The following WIPI1 variants were observed in gnomAD, a reference collection of about 807,000 sequenced individuals.
WIPI1 encodes the protein WD repeat domain, phosphoinositide interacting 1.
A neutral mutation model predicts 55.3 loss-of-function variants in WIPI1; 45 were observed. The ratio of observed to expected loss-of-function variants is 0.81; its 90% CI spans 0.64 to 1.04. The LOEUF is 1.04. WIPI1 is among the 50% of genes least tolerant of loss of function. The pLI is 0.00. For synonymous variants in WIPI1, 195 were observed against 217.6 expected, an observed-to-expected ratio of 0.90 and a Z score of 0.92; for missense variants, 445 against 559.0, an observed-to-expected ratio of 0.80 and a Z score of 2.06.
At chr17:68,438,356 G>T (rs2083922229) in intron 4 of WIPI1, among the ~76,000 whole-genome samples, 1 of 152,160 alleles carries the variant, frequency 6.6e-6, no homozygotes, top group South Asian at 2.1e-4. Context: ...CACCCCTTCT[G>T]AATTCTTTGC....
intron 6 of WIPI1, among the ~76,000 whole-genome samples, chr17:68,435,206 C>CA (rs35370218): frequency 0.54 from 74,438 of 139,030 alleles, 20,319 homozygotes; most frequent in Admixed American, 0.65. Flanking sequence ...GACTCCACCT[C>CA]AAAAAAAAAA....
chr17:68,426,253 G>GGGGCCCCCCCCCC, intron 11 of WIPI1, 78 bp from the exon 12 acceptor site: 3 of 841,018 alleles, frequency 3.6e-6, no homozygotes, highest in East Asian at 3.4e-5. Flanking sequence ...GGGGAGCGGG[G>GGGGCCCCCCCCCC]GCTCAAATAA....
intron 8 of WIPI1, among the ~76,000 whole-genome samples, 184 bp from the exon 9 acceptor site, chr17:68,430,344 C>A (rs571339685): frequency 1.3e-5 from 2 of 152,274 alleles, no homozygotes; most frequent in South Asian, 4.1e-4. Flanking sequence ...TAAAGAGCAT[C>A]AAGGGCTTGT....
At chr17:68,454,222 C>G (rs1472437186) in intron 1 of WIPI1, among the ~76,000 whole-genome samples, 1 of 152,196 alleles carries the variant, frequency 6.6e-6, no homozygotes, top group South Asian at 2.1e-4. Flanking sequence ...GCTGTGCCCT[C>G]CGCACCTAAG....
intron 8 of WIPI1, among the ~76,000 whole-genome samples, chr17:68,432,669 C>T (rs1385972917): frequency 6.6e-6 from 1 of 152,196 alleles, no homozygotes; most frequent in Non-Finnish European, 1.5e-5. Flanking sequence ...CCAGCCTCTA[C>T]ACCTTCCTCT....
chr17:68,431,981 C>G (rs1329620832), intron 8 of WIPI1, among the ~76,000 whole-genome samples: 1 of 152,114 alleles, frequency 6.6e-6, no homozygotes, highest in East Asian at 1.9e-4. Flanking sequence ...GTGCTCAAAC[C>G]CATGACAACA....
At chr17:68,429,679 C>G (rs542427580) in intron 9 of WIPI1, among the ~76,000 whole-genome samples, 17 of 152,186 alleles carry the variant, frequency 1.1e-4, no homozygotes, top group African/African-American at 3.9e-4. Context: ...ACCTCCGCCT[C>G]CTGGGTTCAA....
At position 68,434,556 on chromosome 17, in the gene WIPI1, CT is replaced by C; in HGVS notation, c.691del (p.Arg231GlyfsTer3). ...AATGGGTTTGACATTGAACACAGAC[CT>C]TTTCATCCCTCTCCGGAACTCATAG... ...KLYEFRRGMK[R>X]YVTISSLVFS... On this transcript the variant is annotated frameshift_variant and splice_region_variant, in exon 7 of 13. Transcript: ENST00000262139. LOFTEE classifies it high-confidence loss of function. The C allele has an allele frequency of 6.2e-7, 1 of 1,613,886 alleles. No homozygotes were observed.
chr17:68,445,675 C>G (rs765449210), intron 3 of WIPI1, among the ~76,000 whole-genome samples: 4 of 152,226 alleles, frequency 2.6e-5, no homozygotes, highest in African/African-American at 4.8e-5. Context: ...TAAGTGAAAA[C>G]AGGCCACAGG....
chr17:68,444,695 T>G (rs1280627312), intron 3 of WIPI1, 106 bp from the exon 4 acceptor site: 6 of 869,708 alleles, frequency 6.9e-6, no homozygotes, highest in Non-Finnish European at 1.0e-5. Context: ...ATTCTAAGCC[T>G]AAAGCAGAAT....
chr17:68,421,743 G>GA lies in WIPI1; in HGVS notation c.*29dup, dbSNP rs773764488. 134 of 1,614,082 alleles carry GA rather than the reference G, an allele frequency of 8.3e-5. 9 individuals are homozygous for GA. In the South Asian group the frequency reaches 1.1e-3, roughly 13 times the overall value. On this transcript the variant is annotated 3_prime_UTR_variant, in exon 13 of 13. Coordinates refer to ENST00000262139, the MANE Select transcript of WIPI1 (RefSeq NM_017983.7). ...TTCTCCAAAACCACCTGATAGGGGG[G>GA]ATGTCCTGATTTCTGAGGTGTGCTT...
At position 68,426,261 on chromosome 17, in the gene WIPI1, TA is replaced by T. The variant is rs963018289; in HGVS notation, c.1193-87del. ...GGCGGGTGGGGAGCGGGGGCTCAAA[TA>T]AAGGGCAAAGGAAGCAAAGGGGCTG... On this transcript the variant is annotated intron_variant, in intron 11 of 12. Coordinates refer to ENST00000262139, the MANE Select transcript of WIPI1 (RefSeq NM_017983.7). 183 of 934,888 alleles carry T rather than the reference TA, an allele frequency of 2.0e-4. 23 individuals are homozygous for T. Among genetic ancestry groups the T allele is most frequent in the Non-Finnish European group, 2.8e-4 (172 of 608,166 alleles). The allele number at this position is 934,888 out of a possible 1,614,324, so 57.9% of individuals were successfully genotyped here. A position where few individuals can be genotyped will look rare whatever the true frequency, so the allele number is the denominator to read the frequency against.
chr17:68,450,738 A>G lies in WIPI1; in HGVS notation c.323T>C (p.Leu108Pro). The G allele has an allele frequency of 6.2e-7, 1 of 1,610,334 alleles. No homozygotes were observed. The highest frequency in any genetic ancestry group is 2.2e-5 in the East Asian group (1 of 44,542). Reference sequence around the variant, plus strand: ...GATTTCCCCACTTACTTGCCGGTTCAGCCTTATGGACAAGATGTTGCTGGA... The same window carrying G: ...GATTTCCCCACTTACTTGCCGGTTCGGCCTTATGGACAAGATGTTGCTGGA... Reference protein sequence around the residue: ...SYSSNILSIRLNRQRLLVCLE... With the variant: ...SYSSNILSIRPNRQRLLVCLE... Residue 108 changes from leucine (L) to proline (P), a missense_variant, in exon 3 of 13, where the codon CTG (leucine) becomes CCG (proline). By Grantham distance (98) the Leu-to-Pro change is moderately conservative (BLOSUM62 -3). Coordinates refer to ENST00000262139, the MANE Select transcript of WIPI1 (RefSeq NM_017983.7).
In WIPI1 at chr17:68,452,905, C is replaced by G. The variant is rs1354396995; in HGVS notation, c.163+5G>C. ...ATCCCTGAGGTCTCTCTCACACACA[C>G]TTACTGCTTCCGTGGACTTGATCCA... On this transcript the variant is annotated splice_donor_5th_base_variant and intron_variant, in intron 2 of 12. Coordinates refer to ENST00000262139, the MANE Select transcript of WIPI1 (RefSeq NM_017983.7). 6.2e-7 allele frequency: 1 copy of G among 1,613,512 alleles called. No homozygotes were observed. The highest frequency in any genetic ancestry group is 1.7e-5 in the Admixed American group (1 of 60,026).
rs1193001496 is a variant in WIPI1 at position 68,433,528 on chromosome 17, A to G, written c.740T>C (p.Leu247Pro). The G allele has an allele frequency of 6.2e-7, 1 of 1,614,106 alleles. No individual in the cohort carries two copies. The highest frequency in any genetic ancestry group is 8.5e-7 in the Non-Finnish European group (1 of 1,180,026). ...SLVFSMDSQFLCASSNTETVH... is the reference protein window; with the variant it reads ...SLVFSMDSQFPCASSNTETVH... ...CGTCTCGGTGTTACTGGAGGCGCAG[A>G]GGAATTGTGAATCCATACTGAACAC... Residue 247 changes from leucine to proline, a missense_variant, in exon 8 of 13, where the codon CTC becomes CCC. Leu to Pro is a moderately conservative substitution (Grantham distance 98, BLOSUM62 -3). Coordinates refer to ENST00000262139, the MANE Select transcript of WIPI1 (RefSeq NM_017983.7).
At chr17:68,450,040 A>G (rs1299941876) in intron 3 of WIPI1, among the ~76,000 whole-genome samples, 2 of 152,114 alleles carry the variant, frequency 1.3e-5, no homozygotes, top group Admixed American at 1.3e-4. Context: ...CAAAATGAAA[A>G]CCCAGCAATT....
At chr17:68,421,957 C>A (rs1390151659) in intron 12 of WIPI1, 137 bp from the exon 13 acceptor site, 26 of 1,013,350 alleles carry the variant, frequency 2.6e-5, no homozygotes, top group Non-Finnish European at 3.8e-5. Flanking sequence ...TCTGAACTCG[C>A]TCATGGCCAC....
At chr17:68,454,969 T>C (rs1701413368) in intron 1 of WIPI1, among the ~76,000 whole-genome samples, 1 of 152,228 alleles carries the variant, frequency 6.6e-6, no homozygotes, top group African/African-American at 2.4e-5. Flanking sequence ...ACTTAGACCT[T>C]ATTTCATCCA....
At chr17:68,432,799 T>C (rs28641878) in intron 8 of WIPI1, among the ~76,000 whole-genome samples, 52,409 of 151,984 alleles carry the variant, frequency 0.34, 9,412 homozygotes, top group Admixed American at 0.51. Flanking sequence ...TTCTCTAGAA[T>C]CCTTGCCCCC....
Sources: gnomAD v4.1 joint callset for allele counts (sites outside exome capture counted in the v4.1 genomes callset) on GRCh38, gnomAD v4.1.1 for gene constraint, MANE v1.5 for transcripts, NCBI Gene and HGNC (gene_info 2026-07-23, HGNC 2026-07-21) for gene names.